The following MBD2 variants were observed in gnomAD, a reference collection of about 807,000 sequenced individuals.
MBD2 encodes methyl-CpG binding domain protein 2, also known as methyl-CpG-binding domain protein 2.
Under a neutral mutation model 39.3 loss-of-function variants are expected in MBD2, and 9 were observed. The ratio of observed to expected loss-of-function variants is 0.23; its 90% CI spans 0.14 to 0.40. MBD2 has a LOEUF of 0.40. Ranked by LOEUF, MBD2 falls within the 10% of genes least tolerant of loss-of-function variation. MBD2 has a pLI of 1.00. For missense variants in MBD2, 458 were observed against 532.6 expected (o/e 0.86, Z 1.38); for synonymous variants, 233 against 211.1 (o/e 1.10, Z -0.90).
intron 1 of MBD2, among the ~76,000 whole-genome samples, chr18:54,213,728 A>C (rs1293635179): frequency 1.3e-5 from 2 of 152,236 alleles, no homozygotes; most frequent in Non-Finnish European, 2.9e-5. Context: ...CAGATAAAGC[A>C]AGACTGGCCA....
At chr18:54,213,260 C>A (rs2086525946) in intron 1 of MBD2, among the ~76,000 whole-genome samples, 1 of 152,170 alleles carries the variant, frequency 6.6e-6, no homozygotes. Context: ...TGAGCTCTGC[C>A]TCGTGTCAGA....
chr18:54,217,523 A>T (rs1463679864), intron 1 of MBD2, among the ~76,000 whole-genome samples: 1 of 152,240 alleles, frequency 6.6e-6, no homozygotes, highest in Non-Finnish European at 1.5e-5. Flanking sequence ...CACTAAATCC[A>T]GGAAGAGTTT....
At position 54,224,198 on chromosome 18, in the gene MBD2, GCGCCGCCGCCACCGCTGCCGCCGC is replaced by G. The variant is rs778950652; in HGVS notation, c.338_361del (p.Gly113_Gly120del). 9 of 1,206,184 alleles carry G rather than the reference GCGCCGCCGCCACCGCTGCCGCCGC, an allele frequency of 7.5e-6. No individual in the cohort carries two copies. Among genetic ancestry groups the G allele is most frequent in the Non-Finnish European group, 9.2e-6 (9 of 973,264 alleles). 74.7% of individuals were successfully genotyped at this position (1,206,184 alleles called of 1,614,324 possible). A position where few individuals can be genotyped will look rare whatever the true frequency, so the allele number is the denominator to read the frequency against. On this transcript the variant is annotated inframe_deletion, in exon 1 of 7. Coordinates refer to ENST00000256429, the MANE Select transcript of MBD2 (RefSeq NM_003927.5). ...GAAAGGGACCGGCTCCCGCCGGGGG[GCGCCGCCGCCACCGCTGCCGCCGC>G]CGCCGCAGCCGCCGCCGTCGCCGCC...
chr18:54,222,068 T>C (rs1223235915), intron 1 of MBD2, among the ~76,000 whole-genome samples: 2 of 152,214 alleles, frequency 1.3e-5, no homozygotes, highest in African/African-American at 2.4e-5. Context: ...CAATCACAGA[T>C]ACAGAATAAT....
At chr18:54,170,366 A>T (rs2086171479) in intron 3 of MBD2, among the ~76,000 whole-genome samples, 1 of 152,248 alleles carries the variant, frequency 6.6e-6, no homozygotes, top group African/African-American at 2.4e-5. Context: ...GATTTGTTCA[A>T]CTTGCCTTAT....
intron 1 of MBD2, among the ~76,000 whole-genome samples, chr18:54,216,334 G>C (rs528991638): frequency 6.6e-6 from 1 of 152,096 alleles, no homozygotes; most frequent in Non-Finnish European, 1.5e-5. Context: ...CCCTATAAGG[G>C]GAGTCAGGCC....
chr18:54,161,438 G>C (rs1395736454), intron 5 of MBD2, among the ~76,000 whole-genome samples: 1 of 152,162 alleles, frequency 6.6e-6, no homozygotes, highest in Non-Finnish European at 1.5e-5. Context: ...TTCTTATACA[G>C]TTAGTCTCAC....
intron 1 of MBD2, chr18:54,222,480 TTTTC>T (rs2086624208): frequency 5.3e-6 from 2 of 376,490 alleles, no homozygotes; most frequent in Non-Finnish European, 1.1e-5. Flanking sequence ...CTATCACACT[TTTTC>T]TTTTTTTTCT....
At chr18:54,206,254 G>A (rs946442881) in intron 1 of MBD2, among the ~76,000 whole-genome samples, 1 of 152,164 alleles carries the variant, frequency 6.6e-6, no homozygotes, top group Non-Finnish European at 1.5e-5. Context: ...AGAATTATAC[G>A]GAGGACTAGT....
intron 5 of MBD2, among the ~76,000 whole-genome samples, chr18:54,161,650 C>A (rs189882483): frequency 2.2e-4 from 34 of 152,218 alleles, no homozygotes; most frequent in African/African-American, 7.7e-4. Flanking sequence ...CATTGATTTT[C>A]TTCTCTCTTG....
rs2086129810 is a variant in MBD2, at chr18:54,166,106, T to G, written c.901A>C (p.Lys301Gln). 6.2e-7 allele frequency: 1 copy of G among 1,613,736 alleles called. No homozygotes were observed. Among genetic ancestry groups the G allele is most frequent in the African/African-American group, 1.3e-5 (1 of 74,930 alleles). Residue 301 changes from lysine to glutamine, a missense_variant, in exon 4 of 7, where the codon AAA (lysine) becomes CAA (glutamine). Lys to Gln is a moderately conservative substitution (Grantham distance 53). Coordinates refer to ENST00000256429, the MANE Select transcript of MBD2 (RefSeq NM_003927.5). Reference protein sequence around the residue: ...SASDVTEQIIKTMELPKGLQG... With the variant: ...SASDVTEQIIQTMELPKGLQG... ...AGACCTTTGGGTAGTTCCATGGTTT[T>G]TATAATTTGTTCTGTTACATCTGAT...
At chr18:54,221,322 G>A (rs2086609781) in intron 1 of MBD2, among the ~76,000 whole-genome samples, 1 of 151,974 alleles carries the variant, frequency 6.6e-6, no homozygotes, top group Non-Finnish European at 1.5e-5. Flanking sequence ...GCTGGGCGTG[G>A]TGGTGGGCAC....
chr18:54,158,659 C>T (rs1203193842), intron 6 of MBD2, among the ~76,000 whole-genome samples: 1 of 152,124 alleles, frequency 6.6e-6, no homozygotes, highest in Admixed American at 6.6e-5. Context: ...AGTCTTACTC[C>T]ATCCCAGGCT....
At chr18:54,212,276 C>T (rs1474947291) in intron 1 of MBD2, among the ~76,000 whole-genome samples, 1 of 152,140 alleles carries the variant, frequency 6.6e-6, no homozygotes, top group Non-Finnish European at 1.5e-5. Context: ...TTATATACTA[C>T]CTCTTCCACA....
chr18:54,198,844 G>C (rs1400783416), intron 2 of MBD2, among the ~76,000 whole-genome samples: 1 of 152,196 alleles, frequency 6.6e-6, no homozygotes, highest in Non-Finnish European at 1.5e-5. Flanking sequence ...AATCTTTAAA[G>C]GAAAAATAAC....
chr18:54,207,824 T>C (rs368416270), intron 1 of MBD2, among the ~76,000 whole-genome samples: 2 of 149,038 alleles, frequency 1.3e-5, no homozygotes, highest in African/African-American at 2.5e-5. Flanking sequence ...GATCACGAGG[T>C]CAGAAGATCG....
chr18:54,166,145 G>T lies in MBD2; in HGVS notation c.862C>A (p.Gln288Lys). Reference sequence around the variant, plus strand: ...GTTACATCTGATGCACTAAGTCCTTGTAGCCTCTTCTCCCAGAAAAGCTGT... The same window carrying T: ...GTTACATCTGATGCACTAAGTCCTTTTAGCCTCTTCTCCCAGAAAAGCTGT... ...PRQLFWEKRL[Q>K]GLSASDVTEQ... Residue 288 changes from glutamine (Q) to lysine (K), a missense_variant, in exon 4 of 7, where the codon CAA (glutamine) becomes AAA (lysine). By Grantham distance (53) the Gln-to-Lys change is moderately conservative (BLOSUM62 1). Coordinates refer to ENST00000256429, the MANE Select transcript of MBD2 (RefSeq NM_003927.5). 6.2e-7 allele frequency: 1 copy of T among 1,613,384 alleles called. No individual in the cohort carries two copies. Among genetic ancestry groups the T allele is most frequent in the African/African-American group, 1.3e-5 (1 of 75,032 alleles).
intron 3 of MBD2, among the ~76,000 whole-genome samples, chr18:54,180,719 G>A (rs2086244370): frequency 6.6e-6 from 1 of 152,040 alleles, no homozygotes; most frequent in South Asian, 2.1e-4. Flanking sequence ...ACTGTTTTGA[G>A]AAGTAGTTTT....
At chr18:54,155,895 A>G (rs182926895) in intron 6 of MBD2, among the ~76,000 whole-genome samples, 1 of 151,922 alleles carries the variant, frequency 6.6e-6, no homozygotes, top group African/African-American at 2.4e-5. Context: ...TACAGTCATC[A>G]TCTTCTTCTT....
Sources: allele counts gnomAD v4.1 joint callset (sites outside exome capture counted in the v4.1 genomes callset), GRCh38; gene constraint gnomAD v4.1.1; transcripts MANE v1.5; gene names NCBI Gene and HGNC (gene_info 2026-07-23, HGNC 2026-07-21).